Variants in ANKRD42 observed in about 807,000 individuals in gnomAD.
ANKRD42 encodes the protein ankyrin repeat domain-containing protein 42.
Under a neutral mutation model 51.5 loss-of-function variants are expected in ANKRD42, and 43 were observed. That is an observed-to-expected ratio of 0.83 (90% CI 0.65 to 1.08). The LOEUF is 1.08. Ranked by LOEUF, ANKRD42 falls within the 50% of genes least tolerant of loss-of-function variation. The probability of loss-of-function intolerance (pLI) is 0.00; values close to 1 mark genes in which losing one functional copy is unlikely to be tolerated. For missense variants in ANKRD42, 608 were observed against 629.3 expected (o/e 0.97, Z 0.36); for synonymous variants, 203 against 213.0 (o/e 0.95, Z 0.41).
chr11:83,233,603 GTTTCT>G (rs994519130), intron 7 of ANKRD42, among the ~76,000 whole-genome samples: 105 of 151,892 alleles, frequency 6.9e-4, no homozygotes, highest in African/African-American at 2.3e-3. Context: ...GATCTTTATT[GTTTCT>G]TTTCTTTTAC....
intron 5 of ANKRD42, among the ~76,000 whole-genome samples, chr11:83,217,594 C>T (rs781214462): frequency 6.6e-6 from 1 of 152,172 alleles, no homozygotes; most frequent in Non-Finnish European, 1.5e-5. Flanking sequence ...TTACCTGGGG[C>T]TCTGTGAGGG....
Position 83,210,409 on chromosome 11 carries a change from G to C in ANKRD42, c.440G>C (p.Arg147Pro). 1 of 1,613,850 alleles carries C rather than the reference G, an allele frequency of 6.2e-7. No homozygotes were observed. The highest frequency in any genetic ancestry group is 8.5e-7 in the Non-Finnish European group (1 of 1,179,828). Residue 147 changes from arginine (R) to proline (P), a missense_variant, in exon 4 of 11, where the codon CGA becomes CCA. Transcript: ENST00000533342. ...GHSFTLQIML[R>P]SGVDPSVTDK... ...TCTTTCACTTTACAAATAATGCTCCGAAGTGGAGTGGTGAGTGACTCCTGT... is the reference window on the plus strand; with the variant it reads ...TCTTTCACTTTACAAATAATGCTCCCAAGTGGAGTGGTGAGTGACTCCTGT...
At chr11:83,245,475 TC>T (rs1236883463) in intron 9 of ANKRD42, 22 bp from the exon 10 acceptor site, 2 of 1,534,064 alleles carry the variant, frequency 1.3e-6, no homozygotes, top group South Asian at 2.4e-5. Flanking sequence ...CTAACTAGGT[TC>T]CTACTCAACT....
intron 2 of ANKRD42, among the ~76,000 whole-genome samples, chr11:83,203,768 AT>A (rs1672178431): frequency 6.6e-6 from 1 of 152,126 alleles, no homozygotes; most frequent in Admixed American, 6.6e-5. Context: ...GATTTTTGAT[AT>A]TTATATATTG....
At chr11:83,227,716 T>G (rs1862932359) in intron 6 of ANKRD42, 31 bp from the exon 7 acceptor site, 1 of 1,590,506 alleles carries the variant, frequency 6.3e-7, no homozygotes, top group South Asian at 1.2e-5. Flanking sequence ...ACTCTTATGT[T>G]TATTGAAATG....
chr11:83,242,567 G>GTTTTTTTTTTGTTTGTTTTTTTT lies in ANKRD42; in HGVS notation c.1195+1643_1195+1644insGTTTGTTTTTTTTTTTTTTTTTT, dbSNP rs770772334. 1.6e-3 allele frequency among the ~76,000 whole-genome samples: 189 copies of GTTTTTTTTTTGTTTGTTTTTTTT among 115,526 alleles called. 9 individuals are homozygous for GTTTTTTTTTTGTTTGTTTTTTTT. The highest frequency in any genetic ancestry group is 5.1e-3 in the African/African-American group (147 of 28,910). The allele number at this position is 115,526 out of a possible 152,430, so 75.8% of individuals were successfully genotyped here. On this transcript the variant is annotated intron_variant, in intron 9 of 10. Coordinates refer to ENST00000533342, the MANE Select transcript of ANKRD42 (RefSeq NM_001300975.2). Reference sequence around the variant, plus strand: ...GGGGAATTCGGTGAATGGTAGTTAAGTTTTTTTTTTTTTTTTTTAGATGGA... The same window carrying GTTTTTTTTTTGTTTGTTTTTTTT: ...GGGGAATTCGGTGAATGGTAGTTAAGTTTTTTTTTTGTTTGTTTTTTTTTTTTTTTTTTTTTTTTTTAGATGGA...
chr11:83,248,352 A>C lies in ANKRD42; in HGVS notation c.*148A>C. Reference sequence around the variant, plus strand: ...ACACACACACTCTATATGTAACTATAACTTTCTAGATACATACACACATCT... The same window carrying C: ...ACACACACACTCTATATGTAACTATCACTTTCTAGATACATACACACATCT... On this transcript the variant is annotated 3_prime_UTR_variant, in exon 11 of 11. Coordinates refer to ENST00000533342, the MANE Select transcript of ANKRD42 (RefSeq NM_001300975.2). 1 of 1,362,686 alleles carries C rather than the reference A, an allele frequency of 7.3e-7. No individual in the cohort carries two copies. Among genetic ancestry groups the C allele is most frequent in the Non-Finnish European group, 9.4e-7 (1 of 1,065,888 alleles). The allele number at this position is 1,362,686 out of a possible 1,614,324, so 84.4% of individuals were successfully genotyped here.
intron 3 of ANKRD42, chr11:83,209,971 G>GT (rs1004406598): frequency 6.2e-5 from 22 of 353,284 alleles, no homozygotes; most frequent in African/African-American, 4.7e-4. Flanking sequence ...TAAACTTGCT[G>GT]TTTTTGTTTT....
intron 2 of ANKRD42, among the ~76,000 whole-genome samples, chr11:83,203,025 CT>C (rs71463156): frequency 0.35 from 48,535 of 140,526 alleles, 8,513 homozygotes; most frequent in East Asian, 0.58. Flanking sequence ...GGGTATCGCT[CT>C]TGTTTCCCAG....
chr11:83,223,726 A>C (rs1448035775), intron 5 of ANKRD42, among the ~76,000 whole-genome samples: 1 of 152,020 alleles, frequency 6.6e-6, no homozygotes, highest in Non-Finnish European at 1.5e-5. Flanking sequence ...CTGAGGGAGG[A>C]TAGATTGATA....
Position 83,198,640 on chromosome 11 carries a change from G to C in ANKRD42, c.220G>C (p.Glu74Gln). 1 of 1,583,466 alleles carries C rather than the reference G, an allele frequency of 6.3e-7. No individual in the cohort carries two copies. Among genetic ancestry groups the C allele is most frequent in the Non-Finnish European group, 8.6e-7 (1 of 1,164,272 alleles). The change falls in exon 2 of 11, where the codon GAG becomes CAG. Residue 74 changes from glutamate (E) to glutamine (Q), a missense_variant and splice_region_variant. Glu to Gln is a conservative substitution (Grantham distance 29). Transcript: ENST00000533342. ...TTGGGCAGCACATTCTGGAAGTTTG[G>C]AGGTAAGAAACTATACATATCACTA... ...LHWAAHSGSL[E>Q]CLHWLLWHGA...
At chr11:83,230,753 A>AT (rs1486667816) in intron 7 of ANKRD42, among the ~76,000 whole-genome samples, 8 of 151,886 alleles carry the variant, frequency 5.3e-5, no homozygotes, top group Non-Finnish European at 1.0e-4. Flanking sequence ...TGCCCGGCTA[A>AT]TTTTTTGTAT....
At chr11:83,244,701 A>G (rs552272629) in intron 9 of ANKRD42, among the ~76,000 whole-genome samples, 69 of 152,360 alleles carry the variant, frequency 4.5e-4, no homozygotes, top group African/African-American at 1.6e-3. Flanking sequence ...TGGAGAATTC[A>G]TAGTTCTAAT....
intron 5 of ANKRD42, among the ~76,000 whole-genome samples, chr11:83,223,956 T>A (rs1862796130): frequency 6.6e-6 from 1 of 152,136 alleles, no homozygotes; most frequent in Admixed American, 6.5e-5. Flanking sequence ...TTTTTTTTTT[T>A]TTTTGCATGA....
chr11:83,216,046 C>T (rs1052436359), intron 5 of ANKRD42, among the ~76,000 whole-genome samples: 12 of 152,184 alleles, frequency 7.9e-5, no homozygotes, highest in Admixed American at 5.9e-4. Flanking sequence ...CCACCCACCT[C>T]GGCCACCCAA....
In ANKRD42 at chr11:83,248,441, G is replaced by T; in HGVS notation, c.*237G>T. The T allele has an allele frequency of 8.4e-7, 1 of 1,185,984 alleles. No individual in the cohort carries two copies. Among genetic ancestry groups the T allele is most frequent in the Non-Finnish European group, 1.0e-6 (1 of 960,680 alleles). 73.5% of individuals were successfully genotyped at this position (1,185,984 alleles called of 1,614,324 possible). A position where few individuals can be genotyped will look rare whatever the true frequency, so the allele number is the denominator to read the frequency against. On this transcript the variant is annotated 3_prime_UTR_variant, in exon 11 of 11. Coordinates refer to ENST00000533342, the MANE Select transcript of ANKRD42 (RefSeq NM_001300975.2). The stretch of plus-strand genomic sequence containing the variant: ...TTATTGTTAACATTGTACCATAGAA[G>T]GAGAAAATGTTTTCATAAGTAATCA...
Position 83,227,834 on chromosome 11 carries a change from A to G in ANKRD42, c.875A>G (p.Asn292Ser). The G allele has an allele frequency of 6.2e-7, 1 of 1,613,046 alleles. No individual in the cohort carries two copies. The highest frequency in any genetic ancestry group is 1.1e-5 in the South Asian group (1 of 90,888). Residue 292 changes from asparagine to serine, a missense_variant, in exon 7 of 11, where the codon AAT (asparagine) becomes AGT (serine). Asn to Ser is a conservative substitution (Grantham distance 46). Coordinates refer to ENST00000533342, the MANE Select transcript of ANKRD42 (RefSeq NM_001300975.2). ...KLVEDGVINI[N>S]ERADNGSTPM... ...GTGGAAGATGGAGTAATCAATATTA[A>G]TGAGCGTGCTGATAATGGATCAACT...
chr11:83,257,710 G>A (rs1294330429), downstream of ANKRD42, among the ~76,000 whole-genome samples: 1 of 152,128 alleles, frequency 6.6e-6, no homozygotes, highest in Non-Finnish European at 1.5e-5. Flanking sequence ...CCTCTAACTT[G>A]ATGCTAAAGT....
At chr11:83,229,507 A>G (rs1863002695) in intron 7 of ANKRD42, among the ~76,000 whole-genome samples, 1 of 152,160 alleles carries the variant, frequency 6.6e-6, no homozygotes, top group African/African-American at 2.4e-5. Context: ...TGGTGCTCAT[A>G]GTACATCTTT....
Sources: gnomAD v4.1 joint callset for allele counts (sites outside exome capture counted in the v4.1 genomes callset) on GRCh38, gnomAD v4.1.1 for gene constraint, MANE v1.5 for transcripts, NCBI Gene and HGNC (gene_info 2026-07-23, HGNC 2026-07-21) for gene names.